LRRC4C: variants seen among roughly 807,000 people sequenced by gnomAD.
LRRC4C encodes leucine rich repeat containing 4C.
In LRRC4C, 5 loss-of-function variants were observed where a neutral mutation model predicts 33.6. That is an observed-to-expected ratio of 0.15 (90% CI 0.08 to 0.31). The LOEUF (loss-of-function observed/expected upper bound fraction) is 0.31, where lower values mean the gene tolerates loss of function less well. LRRC4C is among the 10% of genes least tolerant of loss of function. The pLI is 1.00. For missense variants in LRRC4C, 560 were observed against 796.7 expected (o/e 0.70, Z 3.58); for synonymous variants, 329 against 302.0 (o/e 1.09, Z -0.93).
chr11:41,131,283 T>C (rs1942999302), intron 1 of LRRC4C, among the ~76,000 whole-genome samples: 1 of 152,066 alleles, frequency 6.6e-6, no homozygotes, highest in African/African-American at 2.4e-5. Context: ...ATAATGATAG[T>C]TCTAACCTTT....
chr11:40,410,745 T>C (rs1212998647), intron 3 of LRRC4C, among the ~76,000 whole-genome samples: 2 of 152,146 alleles, frequency 1.3e-5, no homozygotes, highest in East Asian at 1.9e-4. Flanking sequence ...GTAAAAGTTC[T>C]AAATTTTGAA....
intron 5 of LRRC4C, among the ~76,000 whole-genome samples, chr11:40,185,372 T>C (rs1029206637): frequency 2.6e-5 from 4 of 152,104 alleles, no homozygotes; most frequent in African/African-American, 9.7e-5. Context: ...CAACAAGCCT[T>C]GATTCAAGAG....
intron 4 of LRRC4C, among the ~76,000 whole-genome samples, chr11:40,319,378 G>A (rs1945730755): frequency 6.6e-6 from 1 of 152,160 alleles, no homozygotes; most frequent in African/African-American, 2.4e-5. Context: ...GGGAGAGCCT[G>A]CAGTTGCCAC....
chr11:41,218,610 T>A lies in LRRC4C; in HGVS notation c.-496+240821A>T, dbSNP rs982567997. Reference sequence around the variant, plus strand: ...CAAAAAATTTTGTAGATGTCTACTTTATGTGTATTTTCTAAGGATAGAGTT... The same window carrying A: ...CAAAAAATTTTGTAGATGTCTACTTAATGTGTATTTTCTAAGGATAGAGTT... On this transcript the variant is annotated intron_variant, in intron 1 of 6. Coordinates refer to ENST00000528697, the MANE Select transcript of LRRC4C (RefSeq NM_001258419.2). Among the ~76,000 whole-genome samples the A allele has an allele frequency of 2.6e-5, 4 of 152,180 alleles. No homozygotes were observed. The South Asian group carries it at 6.2e-4, about 24-fold the overall frequency.
At chr11:40,742,381 T>G (rs1243428594) in intron 2 of LRRC4C, among the ~76,000 whole-genome samples, 2 of 152,042 alleles carry the variant, frequency 1.3e-5, no homozygotes, top group African/African-American at 4.8e-5. Flanking sequence ...CATTACAACT[T>G]CCTAATTAAG....
At chr11:40,305,332 C>G (rs1407421226) in intron 4 of LRRC4C, among the ~76,000 whole-genome samples, 1 of 152,138 alleles carries the variant, frequency 6.6e-6, no homozygotes, top group Admixed American at 6.5e-5. Context: ...ATGTGTTGTC[C>G]ATGAGAGTAC....
intron 1 of LRRC4C, among the ~76,000 whole-genome samples, chr11:41,194,692 T>A (rs1233964368): frequency 6.6e-6 from 1 of 152,058 alleles, no homozygotes; most frequent in African/African-American, 2.4e-5. Flanking sequence ...TAGAAGTAGA[T>A]CCTTCTCTGT....
chr11:41,045,850 A>T (rs74649912), intron 1 of LRRC4C, among the ~76,000 whole-genome samples: 2,017 of 152,220 alleles, frequency 0.013, 40 homozygotes, highest in African/African-American at 0.046. Flanking sequence ...GTAACCTTGT[A>T]GATGGTAAAT....
chr11:40,594,319 G>T (rs1180661795), intron 3 of LRRC4C, among the ~76,000 whole-genome samples: 2 of 152,204 alleles, frequency 1.3e-5, no homozygotes, highest in Non-Finnish European at 2.9e-5. Flanking sequence ...TTCCCTGTGA[G>T]GGAGGTAGAA....
intron 2 of LRRC4C, among the ~76,000 whole-genome samples, chr11:40,907,004 A>G (rs961611097): frequency 2.4e-4 from 36 of 152,186 alleles, no homozygotes; most frequent in African/African-American, 8.4e-4. Context: ...GATTTATTTT[A>G]GTGTATGGAG....
At chr11:40,813,499 G>A (rs1238922448) in intron 2 of LRRC4C, among the ~76,000 whole-genome samples, 1 of 152,050 alleles carries the variant, frequency 6.6e-6, no homozygotes, top group Non-Finnish European at 1.5e-5. Flanking sequence ...TTGACATGTG[G>A]GGATTATTAC....
intron 2 of LRRC4C, among the ~76,000 whole-genome samples, chr11:40,833,188 G>A (rs1952496793): frequency 6.6e-6 from 1 of 151,994 alleles, no homozygotes. Flanking sequence ...CCCAAACTCT[G>A]ACTCAAAATT....
intron 1 of LRRC4C, among the ~76,000 whole-genome samples, chr11:41,332,316 C>T (rs1342821178): frequency 6.6e-6 from 1 of 152,068 alleles, no homozygotes; most frequent in Non-Finnish European, 1.5e-5. Context: ...AAGCATGATA[C>T]ATTTAAATAA....
intron 1 of LRRC4C, among the ~76,000 whole-genome samples, chr11:41,132,980 T>C (rs1209612460): frequency 6.6e-6 from 1 of 152,194 alleles, no homozygotes; most frequent in Non-Finnish European, 1.5e-5. Context: ...AAGCTAAATA[T>C]GTGATAGAGA....
chr11:40,588,873 T>G (rs1958894502), intron 3 of LRRC4C, among the ~76,000 whole-genome samples: 1 of 152,204 alleles, frequency 6.6e-6, no homozygotes, highest in Non-Finnish European at 1.5e-5. Flanking sequence ...CTTTTACATT[T>G]GCTGAGGAGA....
At chr11:40,689,719 A>T (rs1444084481) in intron 2 of LRRC4C, among the ~76,000 whole-genome samples, 2 of 152,128 alleles carry the variant, frequency 1.3e-5, no homozygotes, top group African/African-American at 4.8e-5. Flanking sequence ...CTAGTTAGAT[A>T]TGACTGCATA....
In LRRC4C at chr11:40,315,260, G is replaced by A. The variant is rs147024539; in HGVS notation, c.-176+4368C>T. Among the ~76,000 whole-genome samples, 212 of 151,738 alleles carry A rather than the reference G, an allele frequency of 1.4e-3. 4 individuals carry two copies. Among genetic ancestry groups the A allele is most frequent in the African/African-American group, 4.5e-3 (185 of 41,388 alleles). On this transcript the variant is annotated intron_variant, in intron 4 of 6. Coordinates refer to ENST00000528697, the MANE Select transcript of LRRC4C (RefSeq NM_001258419.2). ...CCAATATGGATTATAAAGGGATGGC[G>A]TGTGTGTGTGCATGTGTGTGTGTTT...
At chr11:41,391,959 C>G (rs1953614168) in intron 1 of LRRC4C, among the ~76,000 whole-genome samples, 1 of 151,796 alleles carries the variant, frequency 6.6e-6, no homozygotes, top group South Asian at 2.1e-4. Context: ...TATTTAAAAG[C>G]AATTTGCTCA....
intron 6 of LRRC4C, among the ~76,000 whole-genome samples, chr11:40,122,705 A>G (rs891426323): frequency 2.0e-5 from 3 of 151,908 alleles, no homozygotes; most frequent in African/African-American, 7.3e-5. Context: ...TACAATACAC[A>G]AGGTGTAATA....
Sources: gnomAD v4.1 joint callset for allele counts (sites outside exome capture counted in the v4.1 genomes callset) on GRCh38, gnomAD v4.1.1 for gene constraint, MANE v1.5 for transcripts, NCBI Gene and HGNC (gene_info 2026-07-23, HGNC 2026-07-21) for gene names.